CTNNA3: variants seen among roughly 807,000 people sequenced by gnomAD.
The protein encoded by CTNNA3 is catenin alpha-3.
A neutral mutation model predicts 95.7 loss-of-function variants in CTNNA3; 76 were observed. The observed-to-expected ratio is 0.79, with a 90% CI of 0.66 to 0.96. The LOEUF (loss-of-function observed/expected upper bound fraction) is 0.96, where lower values mean the gene tolerates loss of function less well. Ranked by LOEUF, CTNNA3 falls within the 40% of genes least tolerant of loss-of-function variation. The probability of loss-of-function intolerance (pLI) is 0.00; values close to 1 mark genes in which losing one functional copy is unlikely to be tolerated. For missense variants in CTNNA3, 1,191 were observed against 1,089.8 expected, an observed-to-expected ratio of 1.09 and a Z score of -1.31; for synonymous variants, 431 against 374.4, an observed-to-expected ratio of 1.15 and a Z score of -1.74.
chr10:66,278,680 A>G (rs1178955525), intron 13 of CTNNA3, among the ~76,000 whole-genome samples: 1 of 151,474 alleles, frequency 6.6e-6, no homozygotes, highest in African/African-American at 2.4e-5. Flanking sequence ...GTTTTTTTCC[A>G]TCCCTAGATA....
intron 7 of CTNNA3, among the ~76,000 whole-genome samples, chr10:67,119,908 A>C (rs1309249300): frequency 5.3e-5 from 8 of 151,918 alleles, no homozygotes; most frequent in Admixed American, 3.9e-4. Flanking sequence ...TCCTAGGCAG[A>C]CAAAAAGGCA....
At chr10:67,400,035 C>T (rs968282498) in intron 5 of CTNNA3, among the ~76,000 whole-genome samples, 1 of 152,050 alleles carries the variant, frequency 6.6e-6, no homozygotes, top group Non-Finnish European at 1.5e-5. Context: ...CATCATTTAG[C>T]ATTAGGTATA....
chr10:65,988,366 A>G (rs10996811), intron 16 of CTNNA3, among the ~76,000 whole-genome samples: 3,551 of 152,248 alleles, frequency 0.023, 63 homozygotes, highest in Middle Eastern at 0.048. Flanking sequence ...CAAAAAAGAA[A>G]GAAAGAAATA....
intron 7 of CTNNA3, among the ~76,000 whole-genome samples, chr10:67,091,739 C>A (rs1857655527): frequency 6.6e-6 from 1 of 151,858 alleles, no homozygotes; most frequent in African/African-American, 2.4e-5. Context: ...AAGTAACTGG[C>A]AAATCATGGG....
At chr10:66,614,258 A>G (rs1362004651) in intron 10 of CTNNA3, among the ~76,000 whole-genome samples, 1 of 152,050 alleles carries the variant, frequency 6.6e-6, no homozygotes, top group African/African-American at 2.4e-5. Context: ...ACTCCCAGAA[A>G]ACAAAGAAGG....
chr10:67,342,099 C>CTTTTTTTTTTTTTTT (rs764381058), intron 5 of CTNNA3, among the ~76,000 whole-genome samples: 4 of 83,660 alleles, frequency 4.8e-5, no homozygotes, highest in East Asian at 3.7e-4. Context: ...TATTTTTCTT[C>CTTTTTTTTTTTTTTT]TTTTTTTTTT....
chr10:66,201,558 T>C (rs1258089988), intron 13 of CTNNA3, among the ~76,000 whole-genome samples: 1 of 152,170 alleles, frequency 6.6e-6, no homozygotes, highest in Non-Finnish European at 1.5e-5. Flanking sequence ...AAAGCAGAAG[T>C]TATCAGAAGA....
chr10:65,981,854 A>G (rs2078326312), intron 16 of CTNNA3, among the ~76,000 whole-genome samples: 1 of 151,760 alleles, frequency 6.6e-6, no homozygotes, highest in Non-Finnish European at 1.5e-5. Flanking sequence ...ACTCAAGGTG[A>G]ATGAAAGAAT....
Position 66,899,637 on chromosome 10 carries a change from C to T in CTNNA3, c.1048-124113G>A, listed in dbSNP as rs551678154. Among the ~76,000 whole-genome samples, 3 of 152,236 alleles carry T rather than the reference C, an allele frequency of 2.0e-5. No individual in the cohort carries two copies. The East Asian group carries it at 5.8e-4, about 29-fold the overall frequency. ...ACAGACTGTACCGGGAAAAACGGTA[C>T]ACTTCCCCCCAAATACTGTGCTTTT... On this transcript the variant is annotated intron_variant, in intron 7 of 17. Coordinates refer to ENST00000433211, the MANE Select transcript of CTNNA3 (RefSeq NM_013266.4).
intron 7 of CTNNA3, among the ~76,000 whole-genome samples, chr10:66,848,499 C>T (rs1471838945): frequency 1.3e-5 from 2 of 152,106 alleles, no homozygotes; most frequent in East Asian, 3.9e-4. Flanking sequence ...ATTTAAAGTC[C>T]ACTTTGCATT....
chr10:66,660,283 G>A (rs1232952791), intron 9 of CTNNA3, among the ~76,000 whole-genome samples: 1 of 152,110 alleles, frequency 6.6e-6, no homozygotes, highest in East Asian at 1.9e-4. Context: ...ATGCCAGTGT[G>A]GTTCTTCTGT....
intron 13 of CTNNA3, among the ~76,000 whole-genome samples, chr10:66,199,313 C>A (rs1037148254): frequency 6.6e-6 from 1 of 151,960 alleles, no homozygotes; most frequent in Non-Finnish European, 1.5e-5. Context: ...TGTTTTCAAC[C>A]TACTCTCACG....
At chr10:67,225,024 GC>G (rs1864831810) in intron 5 of CTNNA3, among the ~76,000 whole-genome samples, 1 of 152,206 alleles carries the variant, frequency 6.6e-6, no homozygotes, top group Non-Finnish European at 1.5e-5. Context: ...CAGACTTGGG[GC>G]TGTTTGGGGG....
chr10:66,650,112 G>A (rs1222544216), intron 9 of CTNNA3, among the ~76,000 whole-genome samples: 1 of 152,148 alleles, frequency 6.6e-6, no homozygotes, highest in Non-Finnish European at 1.5e-5. Flanking sequence ...AGACCCAACA[G>A]ACATATACAG....
chr10:66,454,045 C>T (rs924841139), intron 11 of CTNNA3, among the ~76,000 whole-genome samples: 2 of 135,400 alleles, frequency 1.5e-5, no homozygotes, highest in Admixed American at 1.5e-4. Flanking sequence ...AAGAGTAGGT[C>T]AGCGTGATGA....
At chr10:65,969,889 A>G (rs1242218716) in intron 16 of CTNNA3, among the ~76,000 whole-genome samples, 1 of 152,124 alleles carries the variant, frequency 6.6e-6, no homozygotes, top group Non-Finnish European at 1.5e-5. Context: ...TTTGCTAGAG[A>G]GGTAGACATC....
intron 11 of CTNNA3, among the ~76,000 whole-genome samples, chr10:66,393,219 G>T (rs1011854576): frequency 1.3e-5 from 2 of 152,030 alleles, no homozygotes; most frequent in African/African-American, 4.8e-5. Flanking sequence ...TCCTAGGGAG[G>T]GTAAAATGTA....
chr10:67,459,005 A>G (rs1847277784), intron 5 of CTNNA3, among the ~76,000 whole-genome samples: 1 of 152,210 alleles, frequency 6.6e-6, no homozygotes, highest in Non-Finnish European at 1.5e-5. Context: ...CACCATGGCA[A>G]TAGCATCAAA....
At chr10:67,208,378 C>CAAAAAAAAAAAAAAAAAAAAA (rs3056794) in intron 6 of CTNNA3, among the ~76,000 whole-genome samples, 1 of 93,180 alleles carries the variant, frequency 1.1e-5, no homozygotes. Context: ...GACTCTGTCT[C>CAAAAAAAAAAAAAAAAAAAAA]AAAAAAAAAA....
Sources: allele counts gnomAD v4.1 joint callset (sites outside exome capture counted in the v4.1 genomes callset), GRCh38; gene constraint gnomAD v4.1.1; transcripts MANE v1.5; gene names NCBI Gene and HGNC (gene_info 2026-07-23, HGNC 2026-07-21).